Variants in CCND3 observed in about 807,000 individuals in gnomAD.
The protein encoded by CCND3 is G1/S-specific cyclin-D3.
In CCND3, 9 loss-of-function variants were observed where a neutral mutation model predicts 28.7. That is an observed-to-expected ratio of 0.31 (90% CI 0.19 to 0.55). CCND3 has a LOEUF of 0.55. Among genes scored for constraint, CCND3 ranks in the 20% least tolerant of loss-of-function variants. The pLI, the probability that CCND3 is intolerant of heterozygous loss-of-function variation, is 0.93. For synonymous variants in CCND3, 164 were observed against 163.9 expected (o/e 1.00, Z 0.00); for missense variants, 315 against 385.8 (o/e 0.82, Z 1.54).
intron 1 of CCND3, among the ~76,000 whole-genome samples, chr6:42,019,118 C>T (rs139344626): frequency 6.6e-6 from 1 of 152,118 alleles, no homozygotes; most frequent in East Asian, 1.9e-4. Flanking sequence ...ATAAGTATAT[C>T]ATCAATGGTA....
chr6:41,952,648 G>T (rs1471329636), intron 1 of CCND3, among the ~76,000 whole-genome samples: 1 of 152,200 alleles, frequency 6.6e-6, no homozygotes, highest in Non-Finnish European at 1.5e-5. Context: ...TGGAAGTGAG[G>T]CTGGTGCACT....
intron 1 of CCND3, among the ~76,000 whole-genome samples, chr6:42,018,666 C>G (rs187071279): frequency 2.3e-3 from 347 of 151,956 alleles, no homozygotes; most frequent in South Asian, 7.3e-3. Context: ...CTGAGGCAGG[C>G]AGATCACCTG....
intron 1 of CCND3, among the ~76,000 whole-genome samples, chr6:41,964,637 C>T (rs879352490): frequency 3.9e-5 from 6 of 152,228 alleles, no homozygotes; most frequent in Non-Finnish European, 7.4e-5. Flanking sequence ...GAGCATCTGG[C>T]CTATGTGGTT....
At chr6:41,950,691 G>A (rs1776284773) in intron 1 of CCND3, among the ~76,000 whole-genome samples, 1 of 151,556 alleles carries the variant, frequency 6.6e-6, no homozygotes. Context: ...GGTCAGAGAT[G>A]AGAAGACTCC....
At chr6:42,004,500 A>T (rs1057315615) in intron 1 of CCND3, among the ~76,000 whole-genome samples, 1 of 152,208 alleles carries the variant, frequency 6.6e-6, no homozygotes. Flanking sequence ...TGGGAGGCCC[A>T]GGCGGGTGGA....
At chr6:41,962,853 C>A (rs1173555785) in intron 1 of CCND3, among the ~76,000 whole-genome samples, 5 of 152,210 alleles carry the variant, frequency 3.3e-5, no homozygotes. Flanking sequence ...CGGGTTCAAG[C>A]GATTCTCCTG....
chr6:42,023,044 T>C (rs1763757538), intron 1 of CCND3, among the ~76,000 whole-genome samples: 1 of 152,198 alleles, frequency 6.6e-6, no homozygotes, highest in African/African-American at 2.4e-5. Flanking sequence ...TTGCTAAAAT[T>C]TGTGACCCCG....
chr6:41,957,822 G>T (rs1215062009), intron 1 of CCND3, among the ~76,000 whole-genome samples: 1 of 151,920 alleles, frequency 6.6e-6, no homozygotes, highest in Admixed American at 6.6e-5. Flanking sequence ...CTCATTGTAG[G>T]TTATTTGCTT....
chr6:42,009,360 C>T (rs1763269875), intron 1 of CCND3, among the ~76,000 whole-genome samples: 1 of 152,132 alleles, frequency 6.6e-6, no homozygotes, highest in South Asian at 2.1e-4. Context: ...ACCTGTAATC[C>T]CAGGGCTTTG....
intron 1 of CCND3, among the ~76,000 whole-genome samples, chr6:41,979,643 CTATATA>C (rs869055561): frequency 1.2e-3 from 101 of 86,668 alleles, no homozygotes; most frequent in Admixed American, 3.7e-3. Context: ...CTCTCTCTCT[CTATATA>C]TATATATGTA....
At chr6:42,034,190 C>G (rs1021905152) in intron 1 of CCND3, among the ~76,000 whole-genome samples, 1 of 151,328 alleles carries the variant, frequency 6.6e-6, no homozygotes, top group Non-Finnish European at 1.5e-5. Flanking sequence ...TCTTGTTGCC[C>G]AGGCTGGAGT....
chr6:41,940,818 A>G, intron 1 of CCND3: 1 of 998,812 alleles, frequency 1.0e-6, no homozygotes, highest in Non-Finnish European at 1.6e-6. Context: ...GGTAAAGCCA[A>G]GGAGCCCTTG....
In CCND3 at chr6:41,997,952, C is replaced by T. The variant is rs972010422; in HGVS notation, c.-46+50549G>A. On this transcript the variant is annotated intron_variant, in intron 1 of 4. Coordinates refer to the CCND3 transcript ENST00000372988. ...AGGTCAGGAGTTCAAGATCAGCTGG[C>T]CAACATGGCAAAACCCAGTATCTAC... Among the ~76,000 whole-genome samples the T allele has an allele frequency of 4.3e-4, 64 of 148,800 alleles. 1 individual carries two copies. The highest frequency in any genetic ancestry group is 2.1e-3 in the South Asian group (10 of 4,652).
intron 1 of CCND3, among the ~76,000 whole-genome samples, chr6:41,958,942 A>C (rs1396213453): frequency 1.3e-5 from 2 of 152,232 alleles, no homozygotes; most frequent in Admixed American, 1.3e-4. Flanking sequence ...TAGAGTTACC[A>C]CCTAACCTAG....
At position 41,935,809 on chromosome 6, in the gene CCND3, T is replaced by TC. The variant is rs773399793; in HGVS notation, c.*130dup. 6.8e-6 allele frequency: 6 copies of TC among 879,586 alleles called. No homozygotes were observed. The East Asian group carries it at 1.3e-4, about 19-fold the overall frequency. The allele number at this position is 879,586 out of a possible 1,614,324, so 54.5% of individuals were successfully genotyped here. The stretch of plus-strand genomic sequence containing the variant: ...CACTGCGGGGATGGGTAGGACCAGA[T>TC]CCCTTGGGCTTTGTGAAGGGGGAAC... On this transcript the variant is annotated 3_prime_UTR_variant, in exon 5 of 5. Transcript: ENST00000372991.
intron 1 of CCND3, among the ~76,000 whole-genome samples, chr6:41,954,508 C>T (rs918367168): frequency 1.8e-4 from 27 of 150,382 alleles, no homozygotes; most frequent in African/African-American, 6.1e-4. Flanking sequence ...CGGAGAATAG[C>T]GCCATTGCAC....
intron 1 of CCND3, among the ~76,000 whole-genome samples, chr6:42,014,635 T>G (rs578226177): frequency 6.6e-6 from 1 of 151,650 alleles, no homozygotes; most frequent in African/African-American, 2.4e-5. Context: ...AGAAATAAGA[T>G]GGGAAGGAGC....
At chr6:41,980,404 G>C (rs1762313423) in intron 1 of CCND3, among the ~76,000 whole-genome samples, 1 of 152,086 alleles carries the variant, frequency 6.6e-6, no homozygotes, top group South Asian at 2.1e-4. Flanking sequence ...CCAAAGTGCT[G>C]GGATTACAGG....
chr6:41,960,985 A>G (rs1761701280), intron 1 of CCND3, among the ~76,000 whole-genome samples: 2 of 152,222 alleles, frequency 1.3e-5, no homozygotes, highest in African/African-American at 2.4e-5. Context: ...GTTTCCCCTC[A>G]GCAGAGGGAA....
Sources: allele counts gnomAD v4.1 joint callset (sites outside exome capture counted in the v4.1 genomes callset), GRCh38; gene constraint gnomAD v4.1.1; transcripts MANE v1.5; gene names NCBI Gene and HGNC (gene_info 2026-07-23, HGNC 2026-07-21).